ADK: variants seen among roughly 807,000 people sequenced by gnomAD.
ADK encodes N6,N6-dimethyladenosine kinase.
Under a neutral mutation model 44.7 loss-of-function variants are expected in ADK, and 24 were observed. That is an observed-to-expected ratio of 0.54 (90% confidence interval 0.39 to 0.76). The LOEUF (loss-of-function observed/expected upper bound fraction) is 0.76. ADK is among the 30% of genes least tolerant of loss of function. The pLI, the probability that ADK is intolerant of heterozygous loss-of-function variation, is 0.00. For missense variants in ADK, 321 were observed against 425.1 expected (o/e 0.76, Z 2.15); for synonymous variants, 128 against 142.6 (o/e 0.90, Z 0.73).
At chr10:74,157,753 G>A (rs1418417800) in intron 1 of ADK, among the ~76,000 whole-genome samples, 4 of 151,610 alleles carry the variant, frequency 2.6e-5, no homozygotes, top group Non-Finnish European at 4.4e-5. Flanking sequence ...TTAGCTGGAT[G>A]TGGTGGTCCA....
At chr10:74,504,225 T>C (rs1250858227) in intron 6 of ADK, among the ~76,000 whole-genome samples, 1 of 151,974 alleles carries the variant, frequency 6.6e-6, no homozygotes, top group African/African-American at 2.4e-5. Context: ...ATAATTACTG[T>C]TGTTGTTTTT....
intron 10 of ADK, among the ~76,000 whole-genome samples, chr10:74,705,648 G>A (rs1315318569): frequency 2.0e-5 from 3 of 152,182 alleles, no homozygotes; most frequent in Non-Finnish European, 4.4e-5. Context: ...CCTACCTTGG[G>A]TAAATACCTA....
At position 74,703,201 on chromosome 10, in the gene ADK, G is replaced by A. The variant is rs115401307; in HGVS notation, c.965-5120G>A. Among the ~76,000 whole-genome samples the A allele has an allele frequency of 3.1e-3, 468 of 152,250 alleles. 1 individual carries two copies. Among genetic ancestry groups the A allele is most frequent in the African/African-American group, 0.011 (442 of 41,562 alleles). On this transcript the variant is annotated intron_variant, in intron 10 of 10. Transcript: ENST00000539909. ...AATAAATAAGTAATGGGATAAGCGC[G>A]TCAGACACAGTGGCTCACACCTGTA...
chr10:74,571,049 G>A (rs1216976431), intron 7 of ADK, among the ~76,000 whole-genome samples: 2 of 152,292 alleles, frequency 1.3e-5, no homozygotes, highest in Admixed American at 1.3e-4. Context: ...AGATAATCAT[G>A]TGGTTTTTGT....
chr10:74,287,704 C>G (rs112624748), intron 3 of ADK, among the ~76,000 whole-genome samples: 3,397 of 151,712 alleles, frequency 0.022, 129 homozygotes, highest in African/African-American at 0.078. Flanking sequence ...CTGTATAAAA[C>G]TCGAATACCA....
chr10:74,354,282 C>T (rs1011848950), intron 4 of ADK, among the ~76,000 whole-genome samples: 1 of 152,128 alleles, frequency 6.6e-6, no homozygotes, highest in African/African-American at 2.4e-5. Flanking sequence ...ATAAGAATCA[C>T]CTGCACAGCC....
At chr10:74,437,410 C>G (rs369076230) in intron 6 of ADK, among the ~76,000 whole-genome samples, 200 of 152,246 alleles carry the variant, frequency 1.3e-3, no homozygotes, top group South Asian at 0.011. Context: ...AAATAGACTT[C>G]TTAATATACA....
intron 1 of ADK, among the ~76,000 whole-genome samples, chr10:74,192,041 GTAGATACGGCTT>G (rs1240530794): frequency 1.3e-5 from 2 of 152,104 alleles, no homozygotes; most frequent in Non-Finnish European, 2.9e-5. Context: ...TAGGTAACCC[GTAGATACGGCTT>G]TTTTCTCACT....
intron 9 of ADK, among the ~76,000 whole-genome samples, chr10:74,638,933 G>A (rs930230621): frequency 1.3e-5 from 2 of 151,894 alleles, no homozygotes; most frequent in African/African-American, 4.8e-5. Context: ...TCAGCCTTCC[G>A]AGTAGCTGGG....
chr10:74,685,391 G>A (rs1009984478), intron 10 of ADK, among the ~76,000 whole-genome samples: 1 of 152,176 alleles, frequency 6.6e-6, no homozygotes, highest in African/African-American at 2.4e-5. Flanking sequence ...AACAGACTCT[G>A]TCAGAAAGAA....
At chr10:74,582,078 G>C (rs927694479) in intron 7 of ADK, among the ~76,000 whole-genome samples, 1 of 152,108 alleles carries the variant, frequency 6.6e-6, no homozygotes, top group African/African-American at 2.4e-5. Flanking sequence ...TTCATTGAAT[G>C]TCTTCTTTAT....
At chr10:74,174,365 T>C (rs1235075770) in intron 1 of ADK, 1 of 85,362 alleles carries the variant, frequency 1.2e-5, no homozygotes, top group African/African-American at 4.5e-5. Context: ...ATACAGGTAA[T>C]AGGAAGTCAA....
chr10:74,386,104 A>G (rs564243904), intron 4 of ADK, among the ~76,000 whole-genome samples: 29 of 152,240 alleles, frequency 1.9e-4, no homozygotes, highest in Non-Finnish European at 3.8e-4. Context: ...TCTATCCTAT[A>G]AGTTATGTGA....
chr10:74,549,746 A>G (rs1170307621), intron 7 of ADK, among the ~76,000 whole-genome samples: 1 of 152,178 alleles, frequency 6.6e-6, no homozygotes, highest in African/African-American at 2.4e-5. Flanking sequence ...TAGATCGTAA[A>G]TTCTTTAGTG....
intron 1 of ADK, among the ~76,000 whole-genome samples, chr10:74,185,051 T>A (rs1197981563): frequency 6.6e-6 from 1 of 152,216 alleles, no homozygotes; most frequent in East Asian, 1.9e-4. Context: ...TAAAAAGAGA[T>A]AATAGCGATA....
chr10:74,478,804 G>A (rs1846953921), intron 6 of ADK, among the ~76,000 whole-genome samples: 2 of 152,156 alleles, frequency 1.3e-5, no homozygotes, highest in Non-Finnish European at 2.9e-5. Context: ...CAGAATTCAT[G>A]ATTCTGCCCC....
intron 10 of ADK, among the ~76,000 whole-genome samples, chr10:74,672,152 T>C (rs150937512): frequency 3.0e-3 from 460 of 152,260 alleles, no homozygotes; most frequent in African/African-American, 0.011. Flanking sequence ...GGGGTATAGT[T>C]AGGTAAGCAA....
chr10:74,584,182 T>C (rs1435997571), intron 7 of ADK, among the ~76,000 whole-genome samples: 1 of 152,194 alleles, frequency 6.6e-6, no homozygotes, highest in African/African-American at 2.4e-5. Context: ...AATCCACAGA[T>C]GGGACAGATC....
chr10:74,705,188 C>A (rs1400577335), intron 10 of ADK, among the ~76,000 whole-genome samples: 3 of 152,172 alleles, frequency 2.0e-5, no homozygotes, highest in African/African-American at 7.2e-5. Flanking sequence ...AACCTTCATC[C>A]CCCTCAGGCT....
Sources: gnomAD v4.1 joint callset for allele counts (sites outside exome capture counted in the v4.1 genomes callset) on GRCh38, gnomAD v4.1.1 for gene constraint, MANE v1.5 for transcripts, NCBI Gene and HGNC (gene_info 2026-07-23, HGNC 2026-07-21) for gene names.